PAPSS2: variants seen among roughly 807,000 people sequenced by gnomAD.
PAPSS2 encodes bifunctional 3'-phosphoadenosine 5'-phosphosulfate synthase 2.
PAPSS2 carries 61 observed loss-of-function variants against 66.5 expected under a neutral mutation model. The ratio of observed to expected loss-of-function variants is 0.92; its 90% CI spans 0.75 to 1.14. PAPSS2 has a LOEUF of 1.14. PAPSS2 is among the 50% of genes most tolerant of loss of function. The pLI is 0.00. For missense variants in PAPSS2, 708 were observed against 789.6 expected (o/e 0.90, Z 1.24); for synonymous variants, 289 against 287.5 (o/e 1.01, Z -0.05).
chr10:87,677,244 T>G (rs1444672993), intron 1 of PAPSS2, among the ~76,000 whole-genome samples: 1 of 152,208 alleles, frequency 6.6e-6, no homozygotes, highest in East Asian at 1.9e-4. Context: ...ATATCTAAGC[T>G]TTAAAAGATT....
Position 87,715,727 on chromosome 10 carries a change from T to G in PAPSS2, c.754-5T>G, listed in dbSNP as rs1244362820. 1.3e-6 allele frequency: 2 copies of G among 1,592,530 alleles called. No individual in the cohort carries two copies. The highest frequency in any genetic ancestry group is 3.3e-5 in the Admixed American group (2 of 59,966). The stretch of plus-strand genomic sequence containing the variant: ...AAATGTTCAACTACTTTTTGTGTTT[T>G]GCAGCTGGATCTCCAGTGGGTCCAG... On this transcript the variant is annotated splice_region_variant and splice_polypyrimidine_tract_variant and intron_variant, in intron 6 of 12. Transcript: ENST00000456849.
intron 4 of PAPSS2, among the ~76,000 whole-genome samples, 169 bp downstream of exon 4, chr10:87,714,351 T>G (rs1564721524): frequency 3.9e-5 from 6 of 152,230 alleles, no homozygotes. Flanking sequence ...AGAGGCTTAT[T>G]AAAAGGTAGG....
intron 2 of PAPSS2, among the ~76,000 whole-genome samples, chr10:87,712,207 G>A (rs1209630745): frequency 6.6e-6 from 1 of 152,036 alleles, no homozygotes; most frequent in Non-Finnish European, 1.5e-5. Context: ...CCCTAGCTCA[G>A]GCCGGCTTCC....
At chr10:87,703,024 T>A (rs1477219403) in intron 1 of PAPSS2, among the ~76,000 whole-genome samples, 1 of 152,114 alleles carries the variant, frequency 6.6e-6, no homozygotes, top group Admixed American at 6.6e-5. Context: ...GTGCCACCAA[T>A]GGGAGTGAGG....
rs1372279349 is a variant in PAPSS2, at chr10:87,745,055, G to A, written c.1545G>A (p.Val515=). The A allele has an allele frequency of 1.2e-6, 2 of 1,613,958 alleles. No individual in the cohort carries two copies. The highest frequency in any genetic ancestry group is 2.7e-5 in the African/African-American group (2 of 74,912). ...RMIAGANFYI[V]GRDPAGMPHP... ...TTGCGGGTGCCAATTTCTACATTGT[G>A]GGGAGGGACCCTGCAGGAATGCCCC... Residue 515 remains valine (V), a synonymous_variant, in exon 12 of 13, where the codon GTG becomes GTA. Transcript: ENST00000456849.
At position 87,700,508 on chromosome 10, in the gene PAPSS2, A is replaced by C. The variant is rs376731425; in HGVS notation, c.28-8688A>C. Among the ~76,000 whole-genome samples, 15 of 152,172 alleles carry C rather than the reference A, an allele frequency of 9.9e-5. No individual in the cohort carries two copies. The East Asian group carries it at 2.3e-3, about 23-fold the overall frequency. ...CTCTACATTACAAAAGAATACAAAAATTGGCCAGCCACAGTGGCTTGTGCC... is the reference window on the plus strand; with the variant it reads ...CTCTACATTACAAAAGAATACAAAACTTGGCCAGCCACAGTGGCTTGTGCC... On this transcript the variant is annotated intron_variant, in intron 1 of 12. Transcript: ENST00000456849.
chr10:87,701,471 G>T (rs1853316437), intron 1 of PAPSS2, among the ~76,000 whole-genome samples: 1 of 146,218 alleles, frequency 6.8e-6, no homozygotes, highest in Non-Finnish European at 1.5e-5. Flanking sequence ...GCCAAGACTG[G>T]AGTTCAGTAG....
At chr10:87,700,207 C>T (rs1289906071) in intron 1 of PAPSS2, among the ~76,000 whole-genome samples, 1 of 152,070 alleles carries the variant, frequency 6.6e-6, no homozygotes, top group African/African-American at 2.4e-5. Flanking sequence ...GATAATGATT[C>T]ATTTTTCTGT....
chr10:87,693,577 A>G (rs1437842902), intron 1 of PAPSS2, among the ~76,000 whole-genome samples: 1 of 152,228 alleles, frequency 6.6e-6, no homozygotes, highest in Admixed American at 6.5e-5. Flanking sequence ...GAATGTGCTC[A>G]GAGCATGTGG....
In PAPSS2 at chr10:87,742,319, A is replaced by G. The variant is rs73352840; in HGVS notation, c.1222+949A>G. ...ATCATAATTCTAAAATCCCTAACCTACTTCTGTGCATAGTGGCAGAAAAGT... is the reference window on the plus strand; with the variant it reads ...ATCATAATTCTAAAATCCCTAACCTGCTTCTGTGCATAGTGGCAGAAAAGT... On this transcript the variant is annotated intron_variant, in intron 10 of 12. Coordinates refer to ENST00000456849, the MANE Select transcript of PAPSS2 (RefSeq NM_001015880.2). 7.5e-3 allele frequency among the ~76,000 whole-genome samples: 1,138 copies of G among 152,232 alleles called. 10 individuals are homozygous for G. Among genetic ancestry groups the G allele is most frequent in the African/African-American group, 0.026 (1,086 of 41,516 alleles).
At chr10:87,695,005 C>T (rs1215671259) in intron 1 of PAPSS2, among the ~76,000 whole-genome samples, 1 of 152,208 alleles carries the variant, frequency 6.6e-6, no homozygotes, top group Non-Finnish European at 1.5e-5. Context: ...AGAAGGAAAG[C>T]ATAGTCACAA....
chr10:87,685,572 A>G (rs1853077667), intron 1 of PAPSS2, among the ~76,000 whole-genome samples: 1 of 152,082 alleles, frequency 6.6e-6, no homozygotes, highest in Non-Finnish European at 1.5e-5. Flanking sequence ...AGTCTCAGCT[A>G]CTCGGGAAGC....
intron 1 of PAPSS2, among the ~76,000 whole-genome samples, chr10:87,682,930 A>G (rs1345338446): frequency 6.6e-6 from 1 of 152,188 alleles, no homozygotes; most frequent in Admixed American, 6.5e-5. Context: ...TTTAAGTGGG[A>G]GATGCTGCGC....
chr10:87,684,153 A>G (rs948477507), intron 1 of PAPSS2, among the ~76,000 whole-genome samples: 1 of 152,256 alleles, frequency 6.6e-6, no homozygotes, highest in African/African-American at 2.4e-5. Context: ...ATTTTAATGC[A>G]TGACCAATGA....
Position 87,741,344 on chromosome 10 carries a change from A to G in PAPSS2, c.1196A>G (p.Lys399Arg). ...DQYRLTPLEL[K>R]QKCKEMNADA... The stretch of plus-strand genomic sequence containing the variant: ...TACCGTCTGACACCTCTGGAGCTCA[A>G]ACAGAAATGTAAAGAAATGAATGCT... The change falls in exon 10 of 13, where the codon AAA (lysine) becomes AGA (arginine). Residue 399 changes from lysine to arginine, a missense_variant. By Grantham distance (26) the Lys-to-Arg change is conservative. Coordinates refer to ENST00000456849, the MANE Select transcript of PAPSS2 (RefSeq NM_001015880.2). 6.2e-7 allele frequency: 1 copy of G among 1,613,766 alleles called. No homozygotes were observed. Among genetic ancestry groups the G allele is most frequent in the South Asian group, 1.1e-5 (1 of 91,078 alleles).
intron 1 of PAPSS2, among the ~76,000 whole-genome samples, chr10:87,677,300 G>A (rs1852961965): frequency 6.6e-6 from 1 of 152,110 alleles, no homozygotes; most frequent in South Asian, 2.1e-4. Context: ...ATTTACAGTT[G>A]TGTTTTTTTA....
Position 87,716,778 on chromosome 10 carries a change from C to T in PAPSS2, c.865+935C>T, listed in dbSNP as rs143227354. ...GCTGTGACAGATAACACCCCACAAC[C>T]TGAATCCTTCACTTCTCAGATTAAA... On this transcript the variant is annotated intron_variant, in intron 7 of 12. Coordinates refer to ENST00000456849, the MANE Select transcript of PAPSS2 (RefSeq NM_001015880.2). Among the ~76,000 whole-genome samples the T allele has an allele frequency of 4.6e-5, 7 of 152,302 alleles. No homozygotes were observed. The East Asian group carries it at 1.4e-3, about 29-fold the overall frequency.
intron 1 of PAPSS2, among the ~76,000 whole-genome samples, chr10:87,701,380 CTTTCTT>C (rs1418246245): frequency 0.015 from 1,230 of 80,034 alleles, 9 homozygotes; most frequent in African/African-American, 0.024. Flanking sequence ...TTCTTTCTTT[CTTTCTT>C]TCTTTCTTTC....
intron 1 of PAPSS2, among the ~76,000 whole-genome samples, chr10:87,699,132 A>G (rs1028999397): frequency 1.6e-4 from 25 of 152,258 alleles, no homozygotes; most frequent in Non-Finnish European, 2.6e-4. Flanking sequence ...ATGGACATTT[A>G]TTCTCCGAAT....
Sources: allele counts gnomAD v4.1 joint callset (sites outside exome capture counted in the v4.1 genomes callset), GRCh38; gene constraint gnomAD v4.1.1; transcripts MANE v1.5; gene names NCBI Gene and HGNC (gene_info 2026-07-23, HGNC 2026-07-21).